Variants in TRAPPC9 observed in about 807,000 individuals in gnomAD.
The protein encoded by TRAPPC9 is trafficking protein particle complex subunit 9, also known as IKK2 binding protein.
In TRAPPC9, 83 loss-of-function variants were observed where a neutral mutation model predicts 124.0. That is an observed-to-expected ratio of 0.67 (90% CI 0.56 to 0.80). TRAPPC9 has a LOEUF of 0.80. TRAPPC9 is among the 30% of genes least tolerant of loss of function. The probability of loss-of-function intolerance (pLI) is 0.00; values close to 1 mark genes in which losing one functional copy is unlikely to be tolerated. For missense variants in TRAPPC9, 1,302 were observed against 1,508.3 expected, an observed-to-expected ratio of 0.86 and a Z score of 2.27; for synonymous variants, 638 against 617.5, an observed-to-expected ratio of 1.03 and a Z score of -0.49.
At chr8:139,761,726 A>T (rs1378488398) in intron 21 of TRAPPC9, among the ~76,000 whole-genome samples, 3 of 151,880 alleles carry the variant, frequency 2.0e-5, no homozygotes, top group African/African-American at 7.3e-5. Flanking sequence ...GGCCCACTGG[A>T]CAGTGGCCCA....
intron 21 of TRAPPC9, among the ~76,000 whole-genome samples, chr8:139,824,585 G>C (rs916082199): frequency 2.1e-4 from 32 of 152,142 alleles, no homozygotes; most frequent in African/African-American, 5.8e-4. Flanking sequence ...TTTGGCGACA[G>C]ATTCTCGCTC....
chr8:139,914,004 C>T (rs1831933800), intron 19 of TRAPPC9: 1 of 152,324 alleles, frequency 6.6e-6, no homozygotes, highest in Admixed American at 6.5e-5. Flanking sequence ...CACCTGGGTT[C>T]ACCCCTGCCG....
At chr8:140,350,388 C>A (rs2067523269) in intron 9 of TRAPPC9, among the ~76,000 whole-genome samples, 1 of 152,220 alleles carries the variant, frequency 6.6e-6, no homozygotes, top group Non-Finnish European at 1.5e-5. Context: ...ATTAGCAAAC[C>A]AGATGGGGAA....
intron 21 of TRAPPC9, among the ~76,000 whole-genome samples, chr8:139,837,558 G>A (rs762361692): frequency 2.6e-5 from 4 of 152,168 alleles, no homozygotes; most frequent in Non-Finnish European, 4.4e-5. Flanking sequence ...GCACTGCCTC[G>A]GTCTGCTCTC....
rs76866289 is a variant in TRAPPC9, at chr8:139,750,750, C to G, written c.3056-18548G>C. On this transcript the variant is annotated intron_variant, in intron 21 of 22. Transcript: ENST00000438773. Reference sequence around the variant, plus strand: ...CTGGGATGAGTCCCGTGGGACCATTCAAACTGCACCTGTTCAACAGGTCCC... The same window carrying G: ...CTGGGATGAGTCCCGTGGGACCATTGAAACTGCACCTGTTCAACAGGTCCC... 3.9e-4 allele frequency among the ~76,000 whole-genome samples: 60 copies of G among 152,294 alleles called. 1 individual carries two copies. In the East Asian group the frequency reaches 0.011, roughly 29 times the overall value.
At chr8:139,999,938 A>C (rs1469658607) in intron 18 of TRAPPC9, among the ~76,000 whole-genome samples, 1 of 152,198 alleles carries the variant, frequency 6.6e-6, no homozygotes, top group Non-Finnish European at 1.5e-5. Context: ...AATCCATATC[A>C]TTAAGTGATT....
intron 17 of TRAPPC9, among the ~76,000 whole-genome samples, chr8:140,121,432 C>T (rs889898793): frequency 4.6e-5 from 7 of 152,198 alleles, no homozygotes; most frequent in African/African-American, 1.7e-4. Flanking sequence ...ATGGGGAAAT[C>T]ACAGTCAGAT....
intron 19 of TRAPPC9, among the ~76,000 whole-genome samples, chr8:139,967,716 C>T (rs564389592): frequency 1.3e-5 from 2 of 152,324 alleles, no homozygotes; most frequent in South Asian, 2.1e-4. Context: ...TGGCCTCACG[C>T]CCACAGCACT....
At chr8:139,855,700 G>A (rs1827757004) in intron 21 of TRAPPC9, among the ~76,000 whole-genome samples, 1 of 152,212 alleles carries the variant, frequency 6.6e-6, no homozygotes, top group African/African-American at 2.4e-5. Context: ...CTACCAAGGT[G>A]GGAGGATGTC....
At chr8:140,014,612 A>T (rs1378687002) in intron 18 of TRAPPC9, among the ~76,000 whole-genome samples, 1 of 152,076 alleles carries the variant, frequency 6.6e-6, no homozygotes, top group Non-Finnish European at 1.5e-5. Context: ...GCAGAGAAAC[A>T]CACTCCTCCA....
chr8:140,168,116 C>G (rs376306096), intron 17 of TRAPPC9, among the ~76,000 whole-genome samples: 4 of 152,196 alleles, frequency 2.6e-5, no homozygotes, highest in African/African-American at 7.2e-5. Context: ...TGCTCAATAA[C>G]GAGATGCACT....
chr8:139,900,973 A>AAAATAAAT (rs1554668199), intron 20 of TRAPPC9, among the ~76,000 whole-genome samples: 24 of 118,356 alleles, frequency 2.0e-4, no homozygotes, highest in East Asian at 1.4e-3. Context: ...TCATCTCTCA[A>AAAATAAAT]AAATAAATAA....
At chr8:139,969,309 C>G (rs60971117) in intron 19 of TRAPPC9, among the ~76,000 whole-genome samples, 1 of 152,248 alleles carries the variant, frequency 6.6e-6, no homozygotes, top group African/African-American at 2.4e-5. Flanking sequence ...TGTACTGCAG[C>G]CTTTCCCTCT....
chr8:139,737,809 TG>T (rs1818299769), intron 21 of TRAPPC9, among the ~76,000 whole-genome samples: 1 of 152,132 alleles, frequency 6.6e-6, no homozygotes, highest in Non-Finnish European at 1.5e-5. Context: ...CCACGTCAAG[TG>T]GGGTTTTGTT....
At chr8:139,823,757 C>T (rs1403336309) in intron 21 of TRAPPC9, among the ~76,000 whole-genome samples, 1 of 152,222 alleles carries the variant, frequency 6.6e-6, no homozygotes, top group East Asian at 1.9e-4. Context: ...CTCTGAACAT[C>T]CCTGGGGCCT....
At chr8:139,970,914 C>G (rs1483693717) in intron 19 of TRAPPC9, among the ~76,000 whole-genome samples, 2 of 152,096 alleles carry the variant, frequency 1.3e-5, no homozygotes, top group African/African-American at 2.4e-5. Context: ...GAACCCCCTC[C>G]ACCCCAGCTG....
At chr8:139,874,424 C>A (rs554018498) in intron 21 of TRAPPC9, among the ~76,000 whole-genome samples, 7 of 152,316 alleles carry the variant, frequency 4.6e-5, no homozygotes. Flanking sequence ...AGCCCGCAGA[C>A]AGTACAACCT....
rs750918451 is a variant in TRAPPC9 at position 140,441,672 on chromosome 8, C to T, written c.585-2475G>A. Among the ~76,000 whole-genome samples, 3 of 152,024 alleles carry T rather than the reference C, an allele frequency of 2.0e-5. No individual in the cohort carries two copies. The East Asian group carries it at 5.8e-4, about 29-fold the overall frequency. On this transcript the variant is annotated intron_variant, in intron 2 of 22. Coordinates refer to ENST00000438773, the MANE Select transcript of TRAPPC9 (RefSeq NM_001160372.4). ...TGTCTCTACAAAGGCTCAGGTGATCCTCCCACCTCAGCCTCCCAAGTAACT... is the reference window on the plus strand; with the variant it reads ...TGTCTCTACAAAGGCTCAGGTGATCTTCCCACCTCAGCCTCCCAAGTAACT...
At chr8:139,972,388 G>T (rs1444111888) in intron 19 of TRAPPC9, among the ~76,000 whole-genome samples, 1 of 152,190 alleles carries the variant, frequency 6.6e-6, no homozygotes, top group Non-Finnish European at 1.5e-5. Flanking sequence ...CACAGTAATA[G>T]ATTAAAATTA....
Sources: gnomAD v4.1 joint callset for allele counts (sites outside exome capture counted in the v4.1 genomes callset) on GRCh38, gnomAD v4.1.1 for gene constraint, MANE v1.5 for transcripts, NCBI Gene and HGNC (gene_info 2026-07-23, HGNC 2026-07-21) for gene names.